FBXL13: variants seen among roughly 807,000 people sequenced by gnomAD.
The protein encoded by FBXL13 is F-box and leucine-rich repeat protein 13.
Under a neutral mutation model 83.6 loss-of-function variants are expected in FBXL13, and 67 were observed. That is an observed-to-expected ratio of 0.80 (90% CI 0.66 to 0.98). FBXL13 has a LOEUF of 0.98. Among genes scored for constraint, FBXL13 ranks in the 50% least tolerant of loss-of-function variants. The pLI, the probability that FBXL13 is intolerant of heterozygous loss-of-function variation, is 0.00. For missense variants in FBXL13, 822 were observed against 866.5 expected (o/e 0.95, Z 0.64); for synonymous variants, 272 against 299.5 (o/e 0.91, Z 0.95).
At chr7:102,865,409 C>T (rs1316026114) in intron 16 of FBXL13, among the ~76,000 whole-genome samples, 2 of 152,186 alleles carry the variant, frequency 1.3e-5, no homozygotes, top group East Asian at 1.9e-4. Context: ...ACAATGTTCT[C>T]GAAAATTTCT....
At chr7:102,976,646 C>G (rs1226769531) in intron 6 of FBXL13, among the ~76,000 whole-genome samples, 1 of 152,070 alleles carries the variant, frequency 6.6e-6, no homozygotes. Context: ...CACCACACTC[C>G]CGTCCGTCCA....
chr7:102,877,274 T>A (rs904773063), intron 16 of FBXL13, among the ~76,000 whole-genome samples, 193 bp downstream of exon 17: 7 of 152,220 alleles, frequency 4.6e-5, no homozygotes, highest in Admixed American at 4.6e-4. Context: ...TGCTATTTTT[T>A]AAACAGAGAA....
intron 18 of FBXL13, among the ~76,000 whole-genome samples, chr7:102,831,431 A>ACACACCCCC (rs1033135095): frequency 2.0e-5 from 3 of 147,234 alleles, no homozygotes; most frequent in African/African-American, 7.5e-5. Context: ...ACACACACAC[A>ACACACCCCC]CCCCACTACA....
At chr7:102,884,147 T>C in intron 12 of FBXL13, 67 bp downstream of exon 13, 8 of 1,110,256 alleles carry the variant, frequency 7.2e-6, no homozygotes, top group Non-Finnish European at 9.5e-6. Flanking sequence ...TTTTCAGTAA[T>C]TCAAGCCATT....
At chr7:103,070,363 C>G (rs1028465540) in intron 1 of FBXL13, among the ~76,000 whole-genome samples, 1 of 152,038 alleles carries the variant, frequency 6.6e-6, no homozygotes, top group African/African-American at 2.4e-5. Flanking sequence ...TCCCAAATAG[C>G]TGGAATTACA....
At chr7:102,960,685 C>A (rs1376753024) in intron 8 of FBXL13, among the ~76,000 whole-genome samples, 1 of 152,008 alleles carries the variant, frequency 6.6e-6, no homozygotes, top group Admixed American at 6.6e-5. Context: ...TCAATATATG[C>A]AAATCAATAA....
At chr7:102,848,555 C>CA (rs59060531) in intron 17 of FBXL13, among the ~76,000 whole-genome samples, 1 of 1,828 alleles carries the variant, frequency 5.5e-4, no homozygotes, top group African/African-American at 6.3e-3. Flanking sequence ...GACTCCGTCT[C>CA]AAAAAAAAAA....
At chr7:102,949,359 A>C (rs1410838293) in intron 8 of FBXL13, among the ~76,000 whole-genome samples, 1 of 152,094 alleles carries the variant, frequency 6.6e-6, no homozygotes, top group Non-Finnish European at 1.5e-5. Flanking sequence ...TGTACAGATA[A>C]TTTAGTCACC....
Position 102,877,544 on chromosome 7 carries a change from CA to C in FBXL13, c.1557del (p.Ala520ProfsTer8). On this transcript the variant is annotated frameshift_variant, in exon 16 of 20. Transcript: ENST00000313221. LOFTEE classifies it high-confidence loss of function. ...TTTACAATATATCCAATTCCTTGGG[CA>C]GTCAAATGTTCACAATTTCGTAAAC... The C allele has an allele frequency of 4.3e-6, 7 of 1,611,076 alleles. No individual in the cohort carries two copies. The highest frequency in any genetic ancestry group is 5.9e-6 in the Non-Finnish European group (7 of 1,178,904).
intron 16 of FBXL13, among the ~76,000 whole-genome samples, chr7:102,869,495 AT>A (rs138704096): frequency 6.6e-6 from 1 of 151,686 alleles, no homozygotes; most frequent in Non-Finnish European, 1.5e-5. Context: ...CCATTCGTGC[AT>A]TTTTTTTCTT....
intron 6 of FBXL13, among the ~76,000 whole-genome samples, chr7:103,008,833 C>T (rs1164874015): frequency 6.6e-6 from 1 of 152,190 alleles, no homozygotes; most frequent in African/African-American, 2.4e-5. Flanking sequence ...GCTGGGATTA[C>T]AGGCGTGAGC....
At chr7:102,963,371 G>C (rs1485295711) in intron 8 of FBXL13, among the ~76,000 whole-genome samples, 162 bp downstream of exon 9, 1 of 151,278 alleles carries the variant, frequency 6.6e-6, no homozygotes, top group African/African-American at 2.4e-5. Context: ...ATGCAATACA[G>C]TAAGAGCTGC....
intron 2 of FBXL13, among the ~76,000 whole-genome samples, chr7:103,040,409 AGATCAAT>A (rs2129491927): frequency 6.6e-6 from 1 of 152,338 alleles, no homozygotes; most frequent in East Asian, 1.9e-4. Context: ...AACATTAGAC[AGATCAAT>A]GAGACAGAAG....
intron 6 of FBXL13, among the ~76,000 whole-genome samples, chr7:103,000,305 G>C (rs1222239452): frequency 6.6e-6 from 1 of 152,106 alleles, no homozygotes; most frequent in Non-Finnish European, 1.5e-5. Flanking sequence ...TAATACAGGA[G>C]TTAGAGACCA....
At chr7:102,881,184 G>A (rs1196870271) in intron 14 of FBXL13, among the ~76,000 whole-genome samples, 7 of 152,066 alleles carry the variant, frequency 4.6e-5, no homozygotes, top group South Asian at 2.1e-4. Context: ...AGTGGCTCAC[G>A]CCTGTAATCC....
intron 10 of FBXL13, 57 bp downstream of exon 11, chr7:102,926,217 C>A (rs1563101481): frequency 6.8e-7 from 1 of 1,469,718 alleles, no homozygotes; most frequent in Non-Finnish European, 9.4e-7. Flanking sequence ...CTAGAGCAAG[C>A]CAGAGACTTT....
chr7:102,878,752 T>A (rs1809604407), intron 14 of FBXL13, among the ~76,000 whole-genome samples: 1 of 152,174 alleles, frequency 6.6e-6, no homozygotes, highest in African/African-American at 2.4e-5. Flanking sequence ...AGTGATCAAG[T>A]TAAGTAGTCC....
chr7:103,069,173 A>C (rs1798684626), intron 1 of FBXL13, among the ~76,000 whole-genome samples: 2 of 147,970 alleles, frequency 1.4e-5, no homozygotes, highest in Non-Finnish European at 3.0e-5. Flanking sequence ...TCTGGGAAGT[A>C]AGGCGCACCT....
intron 6 of FBXL13, among the ~76,000 whole-genome samples, chr7:103,008,078 T>C (rs1791173868): frequency 6.6e-6 from 1 of 152,208 alleles, no homozygotes; most frequent in African/African-American, 2.4e-5. Context: ...ATCCAAGTCC[T>C]GTACCACTGA....
Sources: gnomAD v4.1 joint callset for allele counts (sites outside exome capture counted in the v4.1 genomes callset) on GRCh38, gnomAD v4.1.1 for gene constraint, MANE v1.5 for transcripts, NCBI Gene and HGNC (gene_info 2026-07-23, HGNC 2026-07-21) for gene names.